MEGF11: variants seen among roughly 807,000 people sequenced by gnomAD.
MEGF11 encodes the protein multiple EGF like domains 11.
Under a neutral mutation model 146.6 loss-of-function variants are expected in MEGF11, and 126 were observed. The observed-to-expected ratio is 0.86, with a 90% CI of 0.74 to 1.00. MEGF11 has a LOEUF of 1.00. Ranked by LOEUF, MEGF11 falls within the 50% of genes least tolerant of loss-of-function variation. MEGF11 has a pLI of 0.00. For missense variants in MEGF11, 1,509 were observed against 1,521.2 expected, an observed-to-expected ratio of 0.99 and a Z score of 0.13; for synonymous variants, 532 against 583.4, an observed-to-expected ratio of 0.91 and a Z score of 1.27.
At chr15:65,905,817 C>G (rs184192009) in intron 24 of MEGF11, 2 of 355,282 alleles carry the variant, frequency 5.6e-6, no homozygotes, top group African/African-American at 4.2e-5. Context: ...TTTACATTTC[C>G]GAAGACATTT....
chr15:66,016,144 G>C (rs910452173), intron 5 of MEGF11, among the ~76,000 whole-genome samples: 1 of 152,148 alleles, frequency 6.6e-6, no homozygotes, highest in Non-Finnish European at 1.5e-5. Flanking sequence ...CTCGGCTTCA[G>C]TAATCATCAC....
At chr15:66,205,343 C>G (rs1408777723) in intron 1 of MEGF11, among the ~76,000 whole-genome samples, 8 of 152,072 alleles carry the variant, frequency 5.3e-5, no homozygotes, top group African/African-American at 1.9e-4. Context: ...ACTTGGAAGG[C>G]TGAGGTGGGA....
intron 10 of MEGF11, among the ~76,000 whole-genome samples, chr15:65,937,313 T>C (rs938178693): frequency 7.9e-5 from 12 of 152,168 alleles, no homozygotes; most frequent in Non-Finnish European, 1.5e-4. Flanking sequence ...ATTTGGCATG[T>C]CATGTGCTTT....
chr15:66,057,544 A>G (rs1399183566), intron 5 of MEGF11, among the ~76,000 whole-genome samples: 1 of 152,082 alleles, frequency 6.6e-6, no homozygotes, highest in Non-Finnish European at 1.5e-5. Context: ...GGGCTGCTAC[A>G]ATGACTACAA....
chr15:66,212,055 C>A (rs1404284136), intron 1 of MEGF11, among the ~76,000 whole-genome samples: 3 of 152,166 alleles, frequency 2.0e-5, no homozygotes, highest in African/African-American at 7.2e-5. Flanking sequence ...AGGGCCCAGG[C>A]AGGGGGAGAC....
intron 10 of MEGF11, among the ~76,000 whole-genome samples, chr15:65,948,548 A>G (rs1364477915): frequency 6.6e-6 from 1 of 152,158 alleles, no homozygotes; most frequent in Non-Finnish European, 1.5e-5. Flanking sequence ...GTGGGATTCC[A>G]ACCCAGGACT....
chr15:66,010,873 T>A (rs986312497), intron 5 of MEGF11, among the ~76,000 whole-genome samples: 2 of 151,806 alleles, frequency 1.3e-5, no homozygotes, highest in Non-Finnish European at 2.9e-5. Context: ...AGAAAACCAC[T>A]TTCAAGCATG....
In MEGF11 at chr15:66,055,434, T is replaced by A. The variant is rs149363169; in HGVS notation, c.394+38968A>T. Among the ~76,000 whole-genome samples the A allele has an allele frequency of 7.8e-3, 1,190 of 152,376 alleles. 6 individuals are homozygous for A. Among genetic ancestry groups the A allele is most frequent in the Admixed American group, 0.012 (177 of 15,312 alleles). On this transcript the variant is annotated intron_variant, in intron 5 of 25. Coordinates refer to ENST00000395614, the MANE Select transcript of MEGF11 (RefSeq NM_001385028.1). The stretch of plus-strand genomic sequence containing the variant: ...CAAGTGTTTTTCTTCGTAAATGTCA[T>A]GTACAAGGAGATATTCAGACGTGAT...
At position 66,168,222 on chromosome 15, in the gene MEGF11, C is replaced by A. The variant is rs534342640; in HGVS notation, c.-8-39811G>T. 1.2e-3 allele frequency among the ~76,000 whole-genome samples: 179 copies of A among 152,146 alleles called. 1 individual carries two copies. The highest frequency in any genetic ancestry group is 5.0e-4 in the Non-Finnish European group (34 of 68,016). On this transcript the variant is annotated intron_variant, in intron 1 of 25. Coordinates refer to ENST00000395614, the MANE Select transcript of MEGF11 (RefSeq NM_001385028.1). ...TCTCAGCCTTCAACTCCCCATGTGG[C>A]CTTTGCACATGCACTTCCCTCTGCC...
In MEGF11 at chr15:65,912,199, A is replaced by AG; in HGVS notation, c.2711_2712insC (p.Leu905PhefsTer5). The AG allele has an allele frequency of 8.1e-7, 1 of 1,231,790 alleles. No homozygotes were observed. The highest frequency in any genetic ancestry group is 4.1e-5 in the South Asian group (1 of 24,314). 76.3% of individuals were successfully genotyped at this position (1,231,790 alleles called of 1,614,324 possible). ...GGGCATGGCTGCTACTTTGAGACAA[A>AG]TCTGGGAAGAGAACAAGGTGCCACA... On this transcript the variant is annotated frameshift_variant and splice_region_variant, in exon 21 of 26. Coordinates refer to ENST00000395614, the MANE Select transcript of MEGF11 (RefSeq NM_001385028.1). LOFTEE classifies it high-confidence loss of function.
At chr15:65,959,438 T>G (rs1313012930) in intron 9 of MEGF11, among the ~76,000 whole-genome samples, 2 of 152,214 alleles carry the variant, frequency 1.3e-5, no homozygotes, top group African/African-American at 4.8e-5. Context: ...TAATCAAGTC[T>G]AAACAACAAT....
chr15:65,909,906 C>T (rs1420627356), intron 21 of MEGF11, 100 bp from the exon 22 acceptor site: 3 of 1,028,376 alleles, frequency 2.9e-6, no homozygotes, highest in Non-Finnish European at 4.4e-6. Context: ...CTGTAATAAT[C>T]CTGACCCACC....
chr15:65,930,939 T>C lies in MEGF11; in HGVS notation c.1292A>G (p.Glu431Gly). ...TGCTGCACAGGAAACGGCACAGACC[T>C]CTCCCTGGAAAGGGAGGGGGTGAAT... ...GCTCAPGFMG[E>G]VCAVSCAAGT... Residue 431 changes from glutamate (E) to glycine (G), a missense_variant, in exon 11 of 26, where the codon GAG (glutamate) becomes GGG (glycine). By Grantham distance (98) the Glu-to-Gly change is moderately conservative (BLOSUM62 -2). Coordinates refer to ENST00000395614, the MANE Select transcript of MEGF11 (RefSeq NM_001385028.1). 6.3e-7 allele frequency: 1 copy of C among 1,582,282 alleles called. No individual in the cohort carries two copies. The highest frequency in any genetic ancestry group is 8.6e-7 in the Non-Finnish European group (1 of 1,159,680).
intron 1 of MEGF11, among the ~76,000 whole-genome samples, chr15:66,215,636 A>C: frequency 6.6e-6 from 1 of 152,238 alleles, no homozygotes; most frequent in East Asian, 1.9e-4. Context: ...ATGAGGCATC[A>C]GCACAGGTTC....
At chr15:65,907,040 A>AT (rs1370799087) in intron 23 of MEGF11, among the ~76,000 whole-genome samples, 1 of 152,088 alleles carries the variant, frequency 6.6e-6, no homozygotes, top group African/African-American at 2.4e-5. Context: ...AGTCAGAGCA[A>AT]TTTTTTCTTC....
chr15:66,191,225 A>C (rs1394429910), intron 1 of MEGF11, among the ~76,000 whole-genome samples: 4 of 152,184 alleles, frequency 2.6e-5, no homozygotes, highest in African/African-American at 9.7e-5. Context: ...AATGGGGACC[A>C]CGGTGAAGTC....
chr15:66,199,642 C>A (rs913115577), intron 1 of MEGF11, among the ~76,000 whole-genome samples: 3 of 152,056 alleles, frequency 2.0e-5, no homozygotes, highest in Non-Finnish European at 2.9e-5. Context: ...TTTAAAAATT[C>A]TCTGGGCATA....
Position 66,180,651 on chromosome 15 carries a change from A to C in MEGF11, c.-8-52240T>G, listed in dbSNP as rs1034647022. Among the ~76,000 whole-genome samples the C allele has an allele frequency of 2.9e-4, 44 of 152,224 alleles. 1 individual carries two copies. The highest frequency in any genetic ancestry group is 3.2e-3 in the Middle Eastern group (1 of 316). Reference sequence around the variant, plus strand: ...AAGGAGCATGAAGGAGAAATGTGAGAGCGGTAATCCATTGTAACACTTTAG... The same window carrying C: ...AAGGAGCATGAAGGAGAAATGTGAGCGCGGTAATCCATTGTAACACTTTAG... On this transcript the variant is annotated intron_variant, in intron 1 of 25. Transcript: ENST00000395614.
chr15:66,063,633 C>T (rs2084999355), intron 5 of MEGF11, among the ~76,000 whole-genome samples: 1 of 152,174 alleles, frequency 6.6e-6, no homozygotes, highest in Non-Finnish European at 1.5e-5. Context: ...GGTACAAGGG[C>T]CCCAAGTGGG....
Sources: allele counts gnomAD v4.1 joint callset (sites outside exome capture counted in the v4.1 genomes callset), GRCh38; gene constraint gnomAD v4.1.1; transcripts MANE v1.5; gene names NCBI Gene and HGNC (gene_info 2026-07-23, HGNC 2026-07-21).